Variants in HACE1 observed in about 807,000 individuals in gnomAD.
HACE1 encodes the protein E3 ubiquitin-protein ligase HACE1.
HACE1 carries 73 observed loss-of-function variants against 118.4 expected under a neutral mutation model. That is an observed-to-expected ratio of 0.62 (90% confidence interval 0.51 to 0.75). The LOEUF is 0.75. HACE1 is among the 30% of genes least tolerant of loss of function. The probability of loss-of-function intolerance (pLI) is 0.00; values close to 1 mark genes in which losing one functional copy is unlikely to be tolerated. For synonymous variants in HACE1, 368 were observed against 374.8 expected, an observed-to-expected ratio of 0.98 and a Z score of 0.21; for missense variants, 749 against 1,102.2, an observed-to-expected ratio of 0.68 and a Z score of 4.54.
intron 6 of HACE1, among the ~76,000 whole-genome samples, chr6:104,832,406 T>C (rs573369259): frequency 6.6e-6 from 1 of 152,158 alleles, no homozygotes; most frequent in East Asian, 1.9e-4. Flanking sequence ...GTTGTTGTTG[T>C]TGTTTGATAC....
At chr6:104,779,181 G>A (rs994525683) in intron 14 of HACE1, among the ~76,000 whole-genome samples, 1 of 152,158 alleles carries the variant, frequency 6.6e-6, no homozygotes, top group African/African-American at 2.4e-5. Flanking sequence ...GGCAAGAAAA[G>A]TCAAAGGAGA....
chr6:104,833,257 G>T, intron 5 of HACE1, 84 bp from the exon 6 acceptor site: 3 of 1,256,560 alleles, frequency 2.4e-6, no homozygotes, highest in Non-Finnish European at 3.5e-6. Flanking sequence ...TTCTCAGCTG[G>T]GCGTGATTTG....
chr6:104,791,577 C>G lies in HACE1; in HGVS notation c.1001G>C (p.Gly334Ala). 1.9e-6 allele frequency: 3 copies of G among 1,611,230 alleles called. No individual in the cohort carries two copies. The highest frequency in any genetic ancestry group is 2.5e-6 in the Non-Finnish European group (3 of 1,177,558). Residue 334 changes from glycine to alanine, a missense_variant, in exon 11 of 24, where the codon GGT becomes GCT. Coordinates refer to ENST00000262903, the MANE Select transcript of HACE1 (RefSeq NM_020771.4). ...AATTCCATTACTGGGGGAGGATGGA[C>G]CAATTCGAAAGACGTGACAAAACAT... ...VRMFCHVFRI[G>A]PSSPSNGIDM...
chr6:104,857,200 T>TACATATATATATATATATTC (rs1386279259), intron 1 of HACE1, among the ~76,000 whole-genome samples: 2 of 141,920 alleles, frequency 1.4e-5, no homozygotes, highest in African/African-American at 2.6e-5. Context: ...CATATATATT[T>TACATATATATATATATATTC]ACATATATAT....
intron 6 of HACE1, among the ~76,000 whole-genome samples, chr6:104,825,942 T>C (rs918079706): frequency 4.6e-5 from 7 of 152,184 alleles, no homozygotes; most frequent in Admixed American, 3.3e-4. Context: ...TAATGTGTTA[T>C]GCACTACTCT....
chr6:104,831,028 T>A lies in HACE1; in HGVS notation c.534+2014A>T, dbSNP rs1582683761. ...TCTCCACCTCAGCCTCCCAAACAGC[T>A]GAGACTACTGGCACACACCTGTACA... On this transcript the variant is annotated intron_variant, in intron 6 of 23. Coordinates refer to ENST00000262903, the MANE Select transcript of HACE1 (RefSeq NM_020771.4). 2.0e-5 allele frequency: 3 copies of A among 152,260 alleles called. 1 individual carries two copies. Among genetic ancestry groups the A allele is most frequent in the Middle Eastern group, 6.8e-3 (2 of 296 alleles). 9.4% of individuals were successfully genotyped at this position (152,260 alleles called of 1,614,324 possible).
chr6:104,844,718 A>G (rs1192267069), intron 4 of HACE1, among the ~76,000 whole-genome samples: 1 of 149,712 alleles, frequency 6.7e-6, no homozygotes, highest in African/African-American at 2.5e-5. Flanking sequence ...GCTGGAGTGC[A>G]ATGGCACAAT....
chr6:104,802,483 C>A (rs1770490487), intron 7 of HACE1, among the ~76,000 whole-genome samples: 2 of 152,168 alleles, frequency 1.3e-5, no homozygotes, highest in South Asian at 4.1e-4. Flanking sequence ...CACTCCTCAG[C>A]AAATGTAAAA....
intron 5 of HACE1, among the ~76,000 whole-genome samples, chr6:104,841,243 C>T (rs1385154479): frequency 1.3e-5 from 2 of 152,044 alleles, no homozygotes; most frequent in African/African-American, 4.8e-5. Context: ...TAAATACATA[C>T]ATGAATAATT....
At chr6:104,731,263 TG>T (rs1775170073) in intron 22 of HACE1, 1 of 151,842 alleles carries the variant, frequency 6.6e-6, no homozygotes, top group Non-Finnish European at 1.5e-5. Flanking sequence ...ATTAGAAAAA[TG>T]ACAAAGGAAC....
At chr6:104,805,404 CAT>C (rs901417738) in intron 7 of HACE1, among the ~76,000 whole-genome samples, 2 of 152,152 alleles carry the variant, frequency 1.3e-5, no homozygotes, top group Non-Finnish European at 2.9e-5. Flanking sequence ...CACATGGATA[CAT>C]ATGTTTATTG....
At chr6:104,824,344 T>C (rs1389126826) in intron 6 of HACE1, among the ~76,000 whole-genome samples, 1 of 152,220 alleles carries the variant, frequency 6.6e-6, no homozygotes, top group Non-Finnish European at 1.5e-5. Context: ...AGAACTATAA[T>C]GATGTATTTA....
chr6:104,767,126 A>G (rs1375018551), intron 19 of HACE1, among the ~76,000 whole-genome samples: 1 of 152,232 alleles, frequency 6.6e-6, no homozygotes, highest in Non-Finnish European at 1.5e-5. Flanking sequence ...CTGTTACAGG[A>G]AATGAGAAAC....
intron 7 of HACE1, among the ~76,000 whole-genome samples, chr6:104,803,411 A>C (rs2114923509): frequency 6.6e-6 from 1 of 152,346 alleles, no homozygotes; most frequent in Non-Finnish European, 1.5e-5. Context: ...GACACAACAA[A>C]AAAAGAGAAT....
chr6:104,751,151 G>A (rs933577900), intron 19 of HACE1, among the ~76,000 whole-genome samples: 3 of 151,962 alleles, frequency 2.0e-5, no homozygotes, highest in South Asian at 2.1e-4. Context: ...AAGCTTGTCC[G>A]GGCCCCAATG....
chr6:104,783,561 G>A (rs576596471), intron 14 of HACE1, among the ~76,000 whole-genome samples: 7 of 152,304 alleles, frequency 4.6e-5, no homozygotes, highest in Middle Eastern at 3.4e-3. Context: ...CACATAGCTG[G>A]TAAGGAGCAA....
intron 7 of HACE1, among the ~76,000 whole-genome samples, chr6:104,806,091 A>C (rs1043816812): frequency 9.9e-5 from 15 of 152,176 alleles, no homozygotes; most frequent in Non-Finnish European, 1.9e-4. Context: ...ATACTACTAT[A>C]ACATTTTTAG....
chr6:104,737,482 G>C (rs1005229689), intron 22 of HACE1, among the ~76,000 whole-genome samples: 1 of 152,104 alleles, frequency 6.6e-6, no homozygotes, highest in Non-Finnish European at 1.5e-5. Context: ...CACCGTGCGC[G>C]AGCCGAAGCA....
At chr6:104,773,172 C>A (rs1249801351) in intron 17 of HACE1, among the ~76,000 whole-genome samples, 7 of 152,120 alleles carry the variant, frequency 4.6e-5, no homozygotes, top group African/African-American at 1.7e-4. Context: ...TTTACTCATC[C>A]ATTCAACAAA....
Sources: gnomAD v4.1 joint callset for allele counts (sites outside exome capture counted in the v4.1 genomes callset) on GRCh38, gnomAD v4.1.1 for gene constraint, MANE v1.5 for transcripts, NCBI Gene and HGNC (gene_info 2026-07-23, HGNC 2026-07-21) for gene names.